PRORP: variants seen among roughly 807,000 people sequenced by gnomAD.
PRORP encodes the protein mitochondrial ribonuclease P catalytic subunit.
In PRORP, 51 loss-of-function variants were observed where a neutral mutation model predicts 59.4. The observed-to-expected ratio is 0.86, with a 90% CI of 0.69 to 1.08. The LOEUF (loss-of-function observed/expected upper bound fraction) is 1.08, where lower values mean the gene tolerates loss of function less well. Ranked by LOEUF, PRORP falls within the 50% of genes least tolerant of loss-of-function variation. The pLI, the probability that PRORP is intolerant of heterozygous loss-of-function variation, is 0.00. For missense variants in PRORP, 646 were observed against 690.3 expected, an observed-to-expected ratio of 0.94 and a Z score of 0.72; for synonymous variants, 231 against 245.6, an observed-to-expected ratio of 0.94 and a Z score of 0.55.
At chr14:35,150,006 C>T (rs914663279) in intron 4 of PRORP, among the ~76,000 whole-genome samples, 5 of 152,120 alleles carry the variant, frequency 3.3e-5, no homozygotes, top group Non-Finnish European at 5.9e-5. Context: ...AGGCATGTGT[C>T]ACCACACCGG....
intron 5 of PRORP, among the ~76,000 whole-genome samples, chr14:35,253,269 G>T (rs1023510452): frequency 1.3e-5 from 2 of 151,464 alleles, no homozygotes; most frequent in African/African-American, 4.9e-5. Context: ...GGTCGAGGCT[G>T]CAGTGAGCTG....
intron 5 of PRORP, among the ~76,000 whole-genome samples, chr14:35,246,254 A>T (rs2050481154): frequency 6.6e-6 from 1 of 151,940 alleles, no homozygotes; most frequent in Non-Finnish European, 1.5e-5. Context: ...TTATTTGGGG[A>T]GATGTTCGTT....
chr14:35,237,820 T>A (rs1304087501), intron 5 of PRORP, among the ~76,000 whole-genome samples: 1 of 135,222 alleles, frequency 7.4e-6, no homozygotes, highest in Non-Finnish European at 1.6e-5. Context: ...GCCCGGCTAA[T>A]TTTTTTTGTA....
At chr14:35,193,764 G>A (rs1050215739) in intron 5 of PRORP, among the ~76,000 whole-genome samples, 3 of 151,776 alleles carry the variant, frequency 2.0e-5, no homozygotes, top group African/African-American at 7.3e-5. Context: ...AATAGGAAAT[G>A]TTAAATATTG....
chr14:35,228,100 G>T (rs768820617), intron 5 of PRORP, among the ~76,000 whole-genome samples: 1 of 151,974 alleles, frequency 6.6e-6, no homozygotes, highest in Admixed American at 6.6e-5. Context: ...CCAAGATCGC[G>T]CCACTGCACT....
intron 4 of PRORP, 56 bp from the exon 5 acceptor site, chr14:35,180,614 A>G (rs2048580232): frequency 1.9e-6 from 2 of 1,061,344 alleles, no homozygotes; most frequent in Admixed American, 2.0e-5. Context: ...CAGTGTGTTT[A>G]TAATAAAGTC....
chr14:35,258,540 TGA>T (rs1339458063), intron 5 of PRORP, among the ~76,000 whole-genome samples: 1 of 151,882 alleles, frequency 6.6e-6, no homozygotes, highest in Non-Finnish European at 1.5e-5. Flanking sequence ...AAGTCTGACT[TGA>T]GTAAGCCTCC....
intron 5 of PRORP, among the ~76,000 whole-genome samples, chr14:35,232,759 A>G (rs548523442): frequency 6.6e-6 from 1 of 151,720 alleles, no homozygotes; most frequent in East Asian, 1.9e-4. Flanking sequence ...TGCAACCTCC[A>G]CCTCCCAGGT....
At position 35,249,407 on chromosome 14, in the gene PRORP, C is replaced by A. The variant is rs1380750817; in HGVS notation, c.1276-17320C>A. On this transcript the variant is annotated intron_variant, in intron 5 of 7. Transcript: ENST00000534898. ...GACCAGCCTGGGCAACATCATGAGA[C>A]CCTATCTCTACAAAAAATAAAAAAA... Among the ~76,000 whole-genome samples, 5 of 152,082 alleles carry A rather than the reference C, an allele frequency of 3.3e-5. No homozygotes were observed. In the East Asian group the frequency reaches 9.7e-4, roughly 29 times the overall value.
intron 5 of PRORP, among the ~76,000 whole-genome samples, chr14:35,244,305 T>C (rs1371733485): frequency 6.6e-6 from 1 of 152,216 alleles, no homozygotes; most frequent in African/African-American, 2.4e-5. Flanking sequence ...TTTAACTTTT[T>C]AGAGGACCAG....
chr14:35,141,259 G>GTTTGT (rs2047474802), intron 4 of PRORP, among the ~76,000 whole-genome samples: 1 of 131,578 alleles, frequency 7.6e-6, no homozygotes, highest in African/African-American at 2.7e-5. Flanking sequence ...GTTTTTGTTT[G>GTTTGT]TTTGTTTTGT....
intron 4 of PRORP, among the ~76,000 whole-genome samples, chr14:35,161,633 A>T (rs1465672379): frequency 6.6e-6 from 1 of 152,132 alleles, no homozygotes; most frequent in Admixed American, 6.6e-5. Flanking sequence ...AAGATTTTAT[A>T]ATTAAAAATA....
In PRORP at chr14:35,180,675, T is replaced by C. The variant is rs781602642; in HGVS notation, c.1173T>C (p.Leu391=). ...DQYRKTTPQE[L]KRFENFIKSR... ...GTCTGACATTTCTTTATTAGGAACT[T>C]AAGAGATTTGAGAACTTCATAAAAT... Residue 391 remains leucine, a synonymous_variant, in exon 5 of 8, where the codon CTT becomes CTC. Coordinates refer to ENST00000534898, the MANE Select transcript of PRORP (RefSeq NM_014672.4). 6.2e-7 allele frequency: 1 copy of C among 1,600,414 alleles called. No homozygotes were observed. The highest frequency in any genetic ancestry group is 1.3e-5 in the African/African-American group (1 of 74,806).
At chr14:35,177,476 G>T (rs1056905540) in intron 4 of PRORP, among the ~76,000 whole-genome samples, 21 of 152,112 alleles carry the variant, frequency 1.4e-4, no homozygotes, top group African/African-American at 4.8e-4. Flanking sequence ...TCTTGGGAGG[G>T]TGTATGTGTC....
intron 5 of PRORP, among the ~76,000 whole-genome samples, chr14:35,260,884 C>T (rs1013093148): frequency 4.6e-5 from 7 of 152,148 alleles, no homozygotes; most frequent in Non-Finnish European, 8.8e-5. Context: ...TGCTTTACCC[C>T]GAAGTCTGTC....
chr14:35,135,530 A>T (rs891624961), intron 4 of PRORP, among the ~76,000 whole-genome samples: 5 of 152,144 alleles, frequency 3.3e-5, no homozygotes, highest in Non-Finnish European at 5.9e-5. Context: ...ACCTCTGGAG[A>T]AGTAATGAGT....
intron 5 of PRORP, chr14:35,222,689 T>G (rs984217134): frequency 2.0e-5 from 3 of 152,252 alleles, no homozygotes; most frequent in African/African-American, 7.2e-5. Context: ...TTCTGATTCT[T>G]TGGTCTCTTC....
intron 4 of PRORP, among the ~76,000 whole-genome samples, chr14:35,176,958 T>C (rs1244730761): frequency 1.3e-5 from 2 of 152,230 alleles, no homozygotes; most frequent in South Asian, 2.1e-4. Flanking sequence ...TGAAGGGCTG[T>C]TGAATTTTGT....
intron 4 of PRORP, among the ~76,000 whole-genome samples, chr14:35,148,386 C>T (rs1459510175): frequency 1.3e-5 from 2 of 152,218 alleles, no homozygotes; most frequent in Non-Finnish European, 2.9e-5. Context: ...TGACTAAGTG[C>T]ATTGTCACTG....
Sources: gnomAD v4.1 joint callset for allele counts (sites outside exome capture counted in the v4.1 genomes callset) on GRCh38, gnomAD v4.1.1 for gene constraint, MANE v1.5 for transcripts, NCBI Gene and HGNC (gene_info 2026-07-23, HGNC 2026-07-21) for gene names.